Variants in LDB2 observed in about 807,000 individuals in gnomAD.
LDB2 encodes the protein LIM domain binding 2.
Under a neutral mutation model 44.3 loss-of-function variants are expected in LDB2, and 12 were observed. The ratio of observed to expected loss-of-function variants is 0.27; its 90% CI spans 0.17 to 0.44. The LOEUF (loss-of-function observed/expected upper bound fraction) is 0.44, where lower values mean the gene tolerates loss of function less well. LDB2 is among the 20% of genes least tolerant of loss of function. The pLI is 1.00. For missense variants in LDB2, 344 were observed against 473.5 expected (o/e 0.73, Z 2.54); for synonymous variants, 164 against 174.8 (o/e 0.94, Z 0.49).
chr4:16,753,718 G>A (rs546942014), intron 2 of LDB2, among the ~76,000 whole-genome samples: 7 of 152,122 alleles, frequency 4.6e-5, no homozygotes, highest in African/African-American at 1.2e-4. Flanking sequence ...GGAAATCCTC[G>A]TTCCAGACAG....
intron 2 of LDB2, among the ~76,000 whole-genome samples, chr4:16,668,356 C>T (rs1335613903): frequency 6.6e-6 from 1 of 152,186 alleles, no homozygotes; most frequent in Non-Finnish European, 1.5e-5. Flanking sequence ...CCTGATTTGG[C>T]TGGAGTTCTG....
At chr4:16,655,131 T>C (rs1307647241) in intron 2 of LDB2, among the ~76,000 whole-genome samples, 1 of 151,884 alleles carries the variant, frequency 6.6e-6, no homozygotes, top group East Asian at 1.9e-4. Context: ...TTTGAAAAAA[T>C]AGATCCATAT....
At chr4:16,794,647 T>A (rs1227515209) in intron 1 of LDB2, among the ~76,000 whole-genome samples, 1 of 152,244 alleles carries the variant, frequency 6.6e-6, no homozygotes, top group African/African-American at 2.4e-5. Context: ...GCATCAATAA[T>A]AAATTGATAC....
intron 1 of LDB2, among the ~76,000 whole-genome samples, chr4:16,858,444 G>A (rs1317817016): frequency 1.3e-5 from 2 of 152,226 alleles, no homozygotes; most frequent in Non-Finnish European, 2.9e-5. Flanking sequence ...GTCTCAGTGA[G>A]TCACTGTGAC....
rs142866971 is a variant in LDB2, at chr4:16,641,144, A to G, written c.236-45269T>C. On this transcript the variant is annotated intron_variant, in intron 2 of 7. Transcript: ENST00000304523. ...TGGCAGTAGAGGAGAAGGAGAGGAT[A>G]TCTCTGTGATGTATGGACAATATTT... Among the ~76,000 whole-genome samples, 366 of 152,322 alleles carry G rather than the reference A, an allele frequency of 2.4e-3. 1 individual carries two copies. The highest frequency in any genetic ancestry group is 8.1e-3 in the African/African-American group (338 of 41,568).
intron 1 of LDB2, among the ~76,000 whole-genome samples, chr4:16,877,033 C>T (rs987075189): frequency 1.1e-4 from 16 of 152,092 alleles, no homozygotes; most frequent in African/African-American, 3.6e-4. Flanking sequence ...TCAGACTCTC[C>T]AGTAGCTGGG....
intron 2 of LDB2, among the ~76,000 whole-genome samples, chr4:16,622,699 CCCT>C (rs1351631345): frequency 6.6e-6 from 1 of 152,124 alleles, no homozygotes; most frequent in Admixed American, 6.5e-5. Flanking sequence ...GCTTAATTTT[CCCT>C]GTTAATATTC....
At chr4:16,674,307 G>A (rs774045263) in intron 2 of LDB2, 26 of 1,271,578 alleles carry the variant, frequency 2.0e-5, no homozygotes, top group Middle Eastern at 2.1e-4. Context: ...GGCATCTGCC[G>A]CTGAATGCAC....
rs980801695 is a variant in LDB2, at chr4:16,502,403, A to C, written c.*240T>G. 5.9e-6 allele frequency: 3 copies of C among 508,078 alleles called. No homozygotes were observed. The highest frequency in any genetic ancestry group is 6.7e-5 in the Admixed American group (2 of 29,774). The allele number at this position is 508,078 out of a possible 1,614,324, so 31.5% of individuals were successfully genotyped here. ...GTTTTCTCTCATTTTAATTACAATC[A>C]GTGCCAGTATCTGTATTACCTGTGA... is the stretch of plus-strand genomic sequence containing the variant. On this transcript the variant is annotated 3_prime_UTR_variant, in exon 8 of 8. Transcript: ENST00000304523.
At chr4:16,706,345 C>CGA (rs1754606522) in intron 2 of LDB2, among the ~76,000 whole-genome samples, 1 of 152,096 alleles carries the variant, frequency 6.6e-6, no homozygotes, top group Non-Finnish European at 1.5e-5. Context: ...AAAAGAAGCC[C>CGA]GAGAGAGGTC....
intron 1 of LDB2, among the ~76,000 whole-genome samples, chr4:16,767,795 G>T (rs1769690201): frequency 6.6e-6 from 1 of 152,088 alleles, no homozygotes; most frequent in Non-Finnish European, 1.5e-5. Flanking sequence ...ATGCATTTGT[G>T]CTATTACAGT....
intron 1 of LDB2, among the ~76,000 whole-genome samples, chr4:16,794,444 C>T (rs977486554): frequency 1.3e-5 from 2 of 152,184 alleles, no homozygotes; most frequent in Non-Finnish European, 2.9e-5. Context: ...GTCTCATCTT[C>T]TTATACCTTC....
At chr4:16,673,493 C>T (rs980748806) in intron 2 of LDB2, among the ~76,000 whole-genome samples, 3 of 152,182 alleles carry the variant, frequency 2.0e-5, no homozygotes, top group African/African-American at 7.2e-5. Context: ...TCTCACAGTG[C>T]TTCATATAGG....
chr4:16,706,148 G>A (rs116632698), intron 2 of LDB2, among the ~76,000 whole-genome samples: 40 of 152,164 alleles, frequency 2.6e-4, no homozygotes, highest in African/African-American at 8.7e-4. Flanking sequence ...ATGGCATTTC[G>A]TGCTAAGCCC....
At chr4:16,740,479 C>G (rs1169670286) in intron 2 of LDB2, among the ~76,000 whole-genome samples, 1 of 152,200 alleles carries the variant, frequency 6.6e-6, no homozygotes, top group African/African-American at 2.4e-5. Flanking sequence ...TCCAATCGTG[C>G]GAGCTGTTCT....
chr4:16,514,113 T>C (rs559813508), intron 5 of LDB2, among the ~76,000 whole-genome samples: 1 of 152,224 alleles, frequency 6.6e-6, no homozygotes, highest in African/African-American at 2.4e-5. Flanking sequence ...GGTCATACTC[T>C]CTTTGTCCAA....
intron 2 of LDB2, among the ~76,000 whole-genome samples, chr4:16,691,519 G>A (rs1288370026): frequency 3.3e-5 from 5 of 152,136 alleles, no homozygotes; most frequent in Non-Finnish European, 5.9e-5. Context: ...TAACCACAGG[G>A]CAAGAACCCA....
chr4:16,765,675 G>A (rs896818369), intron 1 of LDB2, among the ~76,000 whole-genome samples: 7 of 152,202 alleles, frequency 4.6e-5, no homozygotes, highest in Admixed American at 1.3e-4. Context: ...CCCACACGGC[G>A]AGTAAGATTC....
intron 2 of LDB2, among the ~76,000 whole-genome samples, chr4:16,701,531 A>G (rs1463638579): frequency 2.0e-5 from 3 of 152,246 alleles, no homozygotes; most frequent in Non-Finnish European, 4.4e-5. Flanking sequence ...TAGCATATAT[A>G]GCACCAAGAA....
Sources: allele counts gnomAD v4.1 joint callset (sites outside exome capture counted in the v4.1 genomes callset), GRCh38; gene constraint gnomAD v4.1.1; transcripts MANE v1.5; gene names NCBI Gene and HGNC (gene_info 2026-07-23, HGNC 2026-07-21).